Variants in KCNJ3 observed in about 807,000 individuals in gnomAD.
KCNJ3 encodes G protein-activated inward rectifier potassium channel 1.
Under a neutral mutation model 39.2 loss-of-function variants are expected in KCNJ3, and 4 were observed. The ratio of observed to expected loss-of-function variants is 0.10; its 90% CI spans 0.05 to 0.23. The LOEUF is 0.23. KCNJ3 is among the 10% of genes least tolerant of loss of function. The probability of loss-of-function intolerance (pLI) is 1.00; values close to 1 mark genes in which losing one functional copy is unlikely to be tolerated. For missense variants in KCNJ3, 276 were observed against 634.9 expected, an observed-to-expected ratio of 0.43 and a Z score of 6.08; for synonymous variants, 230 against 237.4, an observed-to-expected ratio of 0.97 and a Z score of 0.29.
chr2:154,819,687 C>T (rs573189885), intron 2 of KCNJ3, among the ~76,000 whole-genome samples: 25 of 151,878 alleles, frequency 1.6e-4, no homozygotes, highest in East Asian at 5.9e-4. Context: ...TGCACCACCA[C>T]GCCCAGCTAA....
chr2:154,699,530 CGG>C lies in KCNJ3; in HGVS notation c.702+54_702+55del, dbSNP rs1684849216. ...GGGAGACCTGCGTCCCCCAAACCCGCGGAGTAACTCGTCTGAGAACCAGCCCG... is the reference window on the plus strand; with the variant it reads ...GGGAGACCTGCGTCCCCCAAACCCGCAGTAACTCGTCTGAGAACCAGCCCG... On this transcript the variant is annotated intron_variant, in intron 1 of 2. Transcript: ENST00000295101. This position sits in a 1 kb window ranked among gnomAD's most constrained non-coding sequence, Gnocchi z 6.4. 6.7e-7 allele frequency: 1 copy of C among 1,500,706 alleles called. No homozygotes were observed. The highest frequency in any genetic ancestry group is 1.3e-5 in the South Asian group (1 of 78,070). 93.0% of individuals were successfully genotyped at this position (1,500,706 alleles called of 1,614,324 possible). A position where few individuals can be genotyped will look rare whatever the true frequency, so the allele number is the denominator to read the frequency against.
chr2:154,857,799 T>G lies in KCNJ3; in HGVS notation c.*2486T>G, dbSNP rs1320749204. On this transcript the variant is annotated 3_prime_UTR_variant, in exon 3 of 3. Coordinates refer to ENST00000295101, the MANE Select transcript of KCNJ3 (RefSeq NM_002239.4). ...GGGAAGCTGAGGCAGGAGAATCGTTTGAACCTGGGAGGCGGAGGTTGCAGT... is the reference window on the plus strand; with the variant it reads ...GGGAAGCTGAGGCAGGAGAATCGTTGGAACCTGGGAGGCGGAGGTTGCAGT... The G allele has an allele frequency of 6.9e-6, 1 of 144,044 alleles. No homozygotes were observed. The highest frequency in any genetic ancestry group is 1.5e-5 in the Non-Finnish European group (1 of 67,172). The allele number at this position is 144,044 out of a possible 1,614,324, so 8.9% of individuals were successfully genotyped here.
intron 2 of KCNJ3, among the ~76,000 whole-genome samples, chr2:154,808,381 G>A (rs1468566636): frequency 1.3e-5 from 2 of 151,874 alleles, no homozygotes; most frequent in African/African-American, 2.4e-5. Flanking sequence ...ACACTCGGCG[G>A]GATAAGGGCA....
chr2:154,736,671 AAAC>A (rs1685552694), intron 2 of KCNJ3, among the ~76,000 whole-genome samples: 1 of 152,122 alleles, frequency 6.6e-6, no homozygotes, highest in Non-Finnish European at 1.5e-5. Context: ...TATGAAAGAA[AAAC>A]AAATCCAAAA....
At chr2:154,766,746 G>A (rs1417569904) in intron 2 of KCNJ3, among the ~76,000 whole-genome samples, 2 of 151,892 alleles carry the variant, frequency 1.3e-5, no homozygotes, top group Non-Finnish European at 2.9e-5. Flanking sequence ...AGTAGAGATG[G>A]GGTTTCACCA....
intron 2 of KCNJ3, among the ~76,000 whole-genome samples, chr2:154,781,669 A>C (rs1686440717): frequency 6.6e-6 from 1 of 152,172 alleles, no homozygotes; most frequent in Non-Finnish European, 1.5e-5. Flanking sequence ...CTGGTCACTG[A>C]TATTGTAGGT....
At chr2:154,810,584 A>G (rs1427761582) in intron 2 of KCNJ3, among the ~76,000 whole-genome samples, 3 of 152,176 alleles carry the variant, frequency 2.0e-5, no homozygotes, top group Non-Finnish European at 2.9e-5. Context: ...AATGAAAAAT[A>G]AATTTGGCAT....
chr2:154,835,516 T>TAATATTCATGA (rs1687445175), intron 2 of KCNJ3, among the ~76,000 whole-genome samples: 1 of 137,348 alleles, frequency 7.3e-6, no homozygotes, highest in African/African-American at 2.8e-5. Flanking sequence ...AAAATATATA[T>TAATATTCATGA]ATATGAATAT....
chr2:154,852,190 AATGAT>A (rs1358516367), intron 2 of KCNJ3, among the ~76,000 whole-genome samples: 4 of 152,188 alleles, frequency 2.6e-5, no homozygotes, highest in African/African-American at 4.8e-5. Flanking sequence ...ATCAATTTTC[AATGAT>A]TGAAGTTTTT....
intron 2 of KCNJ3, among the ~76,000 whole-genome samples, chr2:154,748,165 GACTTTTCTTTC>G (rs1235027503): frequency 6.6e-6 from 1 of 151,930 alleles, no homozygotes; most frequent in Non-Finnish European, 1.5e-5. Context: ...GTTATGAAAT[GACTTTTCTTTC>G]ACTTGAATGC....
intron 2 of KCNJ3, among the ~76,000 whole-genome samples, chr2:154,727,541 C>T (rs77369077): frequency 0.016 from 2,294 of 140,984 alleles, 43 homozygotes; most frequent in East Asian, 0.11. Flanking sequence ...GCTGGTGAGC[C>T]GAGATCGTGC....
At chr2:154,850,846 G>A (rs1303202151) in intron 2 of KCNJ3, among the ~76,000 whole-genome samples, 1 of 151,962 alleles carries the variant, frequency 6.6e-6, no homozygotes, top group Non-Finnish European at 1.5e-5. Context: ...TGCTATTAGG[G>A]GTAGTTAAGT....
chr2:154,838,159 C>T (rs773758906), intron 2 of KCNJ3, among the ~76,000 whole-genome samples: 5 of 152,086 alleles, frequency 3.3e-5, no homozygotes, highest in African/African-American at 4.8e-5. Flanking sequence ...TCAGGAATGA[C>T]TTCATAAAAT....
intron 2 of KCNJ3, among the ~76,000 whole-genome samples, chr2:154,745,739 AT>A (rs2105177849): frequency 6.6e-6 from 1 of 151,962 alleles, no homozygotes; most frequent in East Asian, 1.9e-4. Flanking sequence ...ATAACTAGAG[AT>A]TTTCAGTTGA....
In KCNJ3 at chr2:154,807,596, A is replaced by G. The variant is rs150534733; in HGVS notation, c.920-47131A>G. On this transcript the variant is annotated intron_variant, in intron 2 of 2. Coordinates refer to ENST00000295101, the MANE Select transcript of KCNJ3 (RefSeq NM_002239.4). ...CTATCCCATGGGATGATCCACTGAT[A>G]CAAATGGGGATGGAGATGAGAAGAC... Among the ~76,000 whole-genome samples, 1,139 of 152,316 alleles carry G rather than the reference A, an allele frequency of 7.5e-3. 10 individuals are homozygous for G. The highest frequency in any genetic ancestry group is 0.04 in the South Asian group (193 of 4,826).
intron 2 of KCNJ3, among the ~76,000 whole-genome samples, chr2:154,811,227 A>G (rs1381422222): frequency 2.0e-5 from 3 of 152,092 alleles, no homozygotes; most frequent in Non-Finnish European, 4.4e-5. Context: ...TCTGGAATGC[A>G]TGGCCGGAAG....
chr2:154,703,281 A>G (rs1684941930), intron 1 of KCNJ3, among the ~76,000 whole-genome samples: 1 of 152,088 alleles, frequency 6.6e-6, no homozygotes, highest in African/African-American at 2.4e-5. Flanking sequence ...ACAAAAAGGT[A>G]AGGATTAATT....
chr2:154,708,706 C>T (rs955482840), intron 1 of KCNJ3, among the ~76,000 whole-genome samples: 1 of 152,126 alleles, frequency 6.6e-6, no homozygotes, highest in Non-Finnish European at 1.5e-5. Flanking sequence ...TAATTTTACT[C>T]TCATGGTTTG....
chr2:154,776,611 A>T (rs574663280), intron 2 of KCNJ3, among the ~76,000 whole-genome samples: 1 of 152,206 alleles, frequency 6.6e-6, no homozygotes, highest in Non-Finnish European at 1.5e-5. Flanking sequence ...TCTTTCAATT[A>T]TATGACTGTA....
Sources: gnomAD v4.1 joint callset for allele counts (sites outside exome capture counted in the v4.1 genomes callset) on GRCh38, gnomAD v4.1.1 for gene constraint, Gnocchi (gnomAD v3.1) non-coding constraint, MANE v1.5 for transcripts, NCBI Gene and HGNC (gene_info 2026-07-23, HGNC 2026-07-21) for gene names.